PABPC4L: variants seen among roughly 807,000 people sequenced by gnomAD.
PABPC4L encodes the protein polyadenylate-binding protein 4-like.
For missense variants in PABPC4L, 452 were observed against 451.4 expected (o/e 1.00, Z -0.01); for synonymous variants, 169 against 164.1 (o/e 1.03, Z -0.23).
At chr4:134,039,801 G>A in the PABPC4L span, among the ~76,000 whole-genome samples, 7 of 151,996 alleles carry the variant, frequency 4.6e-5, no homozygotes, top group South Asian at 1.2e-3. Context: ...TTTTTTAAAT[G>A]GGGTATTTAG....
downstream of PABPC4L, among the ~76,000 whole-genome samples, chr4:134,193,983 G>C (rs570571363): frequency 6.6e-6 from 1 of 151,874 alleles, no homozygotes; most frequent in Non-Finnish European, 1.5e-5. Flanking sequence ...ATACCTGAAA[G>C]AGACAGAACT....
chr4:134,049,911 T>C, the PABPC4L span, among the ~76,000 whole-genome samples: 1 of 152,162 alleles, frequency 6.6e-6, no homozygotes, highest in South Asian at 2.1e-4. Context: ...TCTCATCGCA[T>C]GACTGCAGAG....
the PABPC4L span, among the ~76,000 whole-genome samples, chr4:134,170,298 T>C: frequency 6.6e-6 from 1 of 152,166 alleles, no homozygotes; most frequent in African/African-American, 2.4e-5. Context: ...CTTTCTCCAG[T>C]CTACTATTCA....
At chr4:133,963,203 A>G in the PABPC4L span, among the ~76,000 whole-genome samples, 1 of 152,184 alleles carries the variant, frequency 6.6e-6, no homozygotes, top group African/African-American at 2.4e-5. Context: ...TTTATATCAG[A>G]CAAAACAAAC....
At chr4:134,051,075 C>A in the PABPC4L span, among the ~76,000 whole-genome samples, 3 of 151,996 alleles carry the variant, frequency 2.0e-5, no homozygotes, top group Admixed American at 1.3e-4. Context: ...AGGTTATCAA[C>A]CAGATGTCAT....
chr4:133,997,479 T>A, the PABPC4L span, among the ~76,000 whole-genome samples: 1 of 148,826 alleles, frequency 6.7e-6, no homozygotes, highest in East Asian at 2.0e-4. Context: ...GGAGTAATTC[T>A]GACTTTCATG....
chr4:134,016,872 G>C, the PABPC4L span, among the ~76,000 whole-genome samples: 1 of 152,006 alleles, frequency 6.6e-6, no homozygotes, highest in African/African-American at 2.4e-5. Flanking sequence ...CATCAAGCTC[G>C]GGGATTTGTC....
the PABPC4L span, among the ~76,000 whole-genome samples, chr4:134,012,774 C>A: frequency 6.6e-6 from 1 of 152,112 alleles, no homozygotes; most frequent in Non-Finnish European, 1.5e-5. Flanking sequence ...ATCCGGTAAG[C>A]GGCCTCTTTT....
At chr4:134,149,422 T>C in the PABPC4L span, among the ~76,000 whole-genome samples, 1 of 152,188 alleles carries the variant, frequency 6.6e-6, no homozygotes, top group East Asian at 1.9e-4. Context: ...ATTGATTTAT[T>C]CCTGAGTTTC....
the PABPC4L span, among the ~76,000 whole-genome samples, chr4:134,139,858 T>G: frequency 5.3e-5 from 8 of 151,796 alleles, no homozygotes. Context: ...TTTGATCTCT[T>G]GAGAATGAAG....
At chr4:133,995,009 C>A in the PABPC4L span, among the ~76,000 whole-genome samples, 1 of 152,088 alleles carries the variant, frequency 6.6e-6, no homozygotes, top group African/African-American at 2.4e-5. Flanking sequence ...TCCAGTCATG[C>A]ACTCCCAGAG....
At chr4:134,174,574 T>C in the PABPC4L span, among the ~76,000 whole-genome samples, 7 of 152,142 alleles carry the variant, frequency 4.6e-5, no homozygotes, top group Admixed American at 3.9e-4. Context: ...GGACCACCAT[T>C]GTACATGTGA....
chr4:134,056,308 T>G, the PABPC4L span, among the ~76,000 whole-genome samples: 1 of 152,118 alleles, frequency 6.6e-6, no homozygotes, highest in Non-Finnish European at 1.5e-5. Flanking sequence ...AAAATTGTTT[T>G]AGTAATTTTA....
At chr4:134,193,232 G>C (rs1245785844), downstream of PABPC4L, among the ~76,000 whole-genome samples, 2 of 151,186 alleles carry the variant, frequency 1.3e-5, no homozygotes, top group African/African-American at 4.9e-5. Context: ...TTAAAGAGTT[G>C]AAACTTACTT....
the PABPC4L span, among the ~76,000 whole-genome samples, chr4:133,989,747 C>T: frequency 2.6e-5 from 4 of 152,082 alleles, no homozygotes; most frequent in African/African-American, 9.7e-5. Context: ...GTACCCCACT[C>T]ATGATACCAA....
At chr4:134,092,887 T>C in the PABPC4L span, among the ~76,000 whole-genome samples, 2 of 152,132 alleles carry the variant, frequency 1.3e-5, no homozygotes, top group African/African-American at 4.8e-5. Context: ...GGTCCTTTTC[T>C]GAGGTAATTT....
chr4:134,084,745 T>C, the PABPC4L span, among the ~76,000 whole-genome samples: 103 of 152,218 alleles, frequency 6.8e-4, 1 homozygote, highest in Middle Eastern at 0.01. Context: ...ATATCCTGTC[T>C]TTTCAACACA....
chr4:133,979,108 GA>G, the PABPC4L span, among the ~76,000 whole-genome samples: 1 of 152,100 alleles, frequency 6.6e-6, no homozygotes, highest in African/African-American at 2.4e-5. Context: ...TCATGGGTGG[GA>G]AAAATTGATA....
At chr4:134,124,850 C>A in the PABPC4L span, among the ~76,000 whole-genome samples, 6 of 152,158 alleles carry the variant, frequency 3.9e-5, no homozygotes, top group African/African-American at 1.4e-4. Context: ...CAACACCATG[C>A]CTCATGGGTA....
Sources: allele counts gnomAD v4.1 joint callset (sites outside exome capture counted in the v4.1 genomes callset), GRCh38; gene constraint gnomAD v4.1.1; transcripts MANE v1.5; gene names NCBI Gene and HGNC (gene_info 2026-07-23, HGNC 2026-07-21).